The following EML1 variants were observed in gnomAD, a reference collection of about 807,000 sequenced individuals.
EML1 encodes the protein echinoderm microtubule-associated protein-like 1.
A neutral mutation model predicts 110.4 loss-of-function variants in EML1; 27 were observed. The observed-to-expected ratio is 0.24, with a 90% CI of 0.18 to 0.34. The LOEUF is 0.34. EML1 is among the 10% of genes least tolerant of loss of function. The pLI is 1.00. For synonymous variants in EML1, 344 were observed against 385.8 expected (o/e 0.89, Z 1.27); for missense variants, 741 against 1,030.9 (o/e 0.72, Z 3.85).
intron 1 of EML1, among the ~76,000 whole-genome samples, chr14:99,800,646 C>A (rs536259361): frequency 6.6e-6 from 1 of 152,122 alleles, no homozygotes; most frequent in East Asian, 1.9e-4. Flanking sequence ...AGCATGAGCC[C>A]CTGCACCCAG....
At chr14:99,738,311 C>T (rs921611584) in intron 1 of EML1, among the ~76,000 whole-genome samples, 11 of 152,356 alleles carry the variant, frequency 7.2e-5, no homozygotes, top group African/African-American at 2.4e-4. Flanking sequence ...GTCCCTGGTC[C>T]GGCAGCACCA....
At chr14:99,908,666 G>GGTGC (rs1336626546) in intron 10 of EML1, among the ~76,000 whole-genome samples, 1 of 152,180 alleles carries the variant, frequency 6.6e-6, no homozygotes, top group Non-Finnish European at 1.5e-5. Context: ...AGTAGGCCAG[G>GGTGC]GTGCGGGTCT....
At chr14:99,873,613 C>T (rs1020804632) in intron 3 of EML1, among the ~76,000 whole-genome samples, 4 of 152,150 alleles carry the variant, frequency 2.6e-5, no homozygotes, top group African/African-American at 9.7e-5. Flanking sequence ...TGATATGGTT[C>T]TCCCCACTAG....
intron 1 of EML1, among the ~76,000 whole-genome samples, chr14:99,744,758 G>A (rs1039839164): frequency 2.0e-5 from 3 of 152,122 alleles, no homozygotes; most frequent in East Asian, 1.9e-4. Flanking sequence ...TGAATGATTC[G>A]GTCATCACCT....
Position 99,900,181 on chromosome 14 carries a change from C to CT in EML1, c.898-724dup, listed in dbSNP as rs3071437. Among the ~76,000 whole-genome samples the CT allele has an allele frequency of 6.2e-3, 659 of 106,556 alleles. 3 individuals carry two copies. The highest frequency in any genetic ancestry group is 6.7e-3 in the Non-Finnish European group (358 of 53,094). The allele number at this position is 106,556 out of a possible 152,430, so 69.9% of individuals were successfully genotyped here. On this transcript the variant is annotated intron_variant, in intron 8 of 21. Coordinates refer to ENST00000262233, the MANE Select transcript of EML1 (RefSeq NM_004434.3). ...CTGTTTTGCCCAAGAATATTAAGCT[C>CT]TTTTTTTTTTTTTTTTTTTTTTTTG...
At chr14:99,865,238 A>G (rs1356454833) in intron 2 of EML1, among the ~76,000 whole-genome samples, 1 of 152,176 alleles carries the variant, frequency 6.6e-6, no homozygotes, top group Non-Finnish European at 1.5e-5. Flanking sequence ...AGATTCTCAT[A>G]AGGAATGCTC....
At chr14:99,801,238 G>A (rs1186969038) in intron 1 of EML1, among the ~76,000 whole-genome samples, 6 of 152,180 alleles carry the variant, frequency 3.9e-5, no homozygotes, top group Non-Finnish European at 5.9e-5. Flanking sequence ...TTGGCAAATC[G>A]GGCTGATTTC....
At chr14:99,930,219 G>A (rs1173846083) in intron 17 of EML1, among the ~76,000 whole-genome samples, 3 of 152,232 alleles carry the variant, frequency 2.0e-5, no homozygotes, top group Non-Finnish European at 2.9e-5. Context: ...CTGGACAGTC[G>A]AAACTTTAGC....
At chr14:99,832,229 C>T (rs554583747) in intron 1 of EML1, among the ~76,000 whole-genome samples, 7 of 152,232 alleles carry the variant, frequency 4.6e-5, no homozygotes, top group South Asian at 2.1e-4. Context: ...TATCGCTGGG[C>T]GCCATTGTAT....
At chr14:99,885,793 C>T in intron 4 of EML1, 2 of 424,790 alleles carry the variant, frequency 4.7e-6, no homozygotes, top group South Asian at 3.4e-5. Flanking sequence ...TAATTAATAA[C>T]ATGTTGGACG....
rs561617589 is a variant in EML1 at position 99,889,059 on chromosome 14, A to G, written c.519-2140A>G. Among the ~76,000 whole-genome samples, 4 of 152,202 alleles carry G rather than the reference A, an allele frequency of 2.6e-5. No individual in the cohort carries two copies. In the South Asian group the frequency reaches 8.3e-4, roughly 31 times the overall value. The stretch of plus-strand genomic sequence containing the variant: ...CAGAGGCATGCCAGGAGGAAAGCCG[A>G]GAGACGTTCTCCACGCTCAGGGCCT... On this transcript the variant is annotated intron_variant, in intron 4 of 21. Transcript: ENST00000262233.
At chr14:99,868,634 G>A (rs576531255) in intron 3 of EML1, among the ~76,000 whole-genome samples, 10 of 151,786 alleles carry the variant, frequency 6.6e-5, no homozygotes, top group Admixed American at 2.6e-4. Flanking sequence ...AGTCCTTCTC[G>A]TTTTTGTTAT....
intron 4 of EML1, among the ~76,000 whole-genome samples, chr14:99,886,308 C>A (rs975128723): frequency 6.6e-6 from 1 of 152,150 alleles, no homozygotes; most frequent in Admixed American, 6.6e-5. Context: ...ATGGCGGAAC[C>A]CTGTCTCTAC....
chr14:99,793,828 G>C (rs558099114), intron 1 of EML1, among the ~76,000 whole-genome samples: 17 of 148,968 alleles, frequency 1.1e-4, no homozygotes, highest in Admixed American at 1.0e-3. Flanking sequence ...GAGCGCGCCC[G>C]GGCGGAGGCG....
chr14:99,939,451 C>T lies in EML1; in HGVS notation c.2322+124C>T. 1 of 1,470,334 alleles carries T rather than the reference C, an allele frequency of 6.8e-7. No homozygotes were observed. The highest frequency in any genetic ancestry group is 9.2e-7 in the Non-Finnish European group (1 of 1,090,422). The allele number at this position is 1,470,334 out of a possible 1,614,324, so 91.1% of individuals were successfully genotyped here. On this transcript the variant is annotated intron_variant, in intron 21 of 21. Transcript: ENST00000262233. The surrounding 1 kb of genome is among the most constrained non-coding windows in gnomAD (Gnocchi z 4.2). ...CTGCCAGCCACAAAGGCAGATGTGA[C>T]TCTGTTCTTTGCGCCCTGAGCACTT...
chr14:99,752,940 A>G (rs772307559), intron 1 of EML1, among the ~76,000 whole-genome samples: 2 of 152,178 alleles, frequency 1.3e-5, no homozygotes, highest in Non-Finnish European at 2.9e-5. Flanking sequence ...GGAAGCTGGA[A>G]GGCAGGGCGT....
intron 1 of EML1, among the ~76,000 whole-genome samples, chr14:99,804,925 CT>C (rs1202385090): frequency 6.6e-6 from 1 of 152,206 alleles, no homozygotes; most frequent in Non-Finnish European, 1.5e-5. Context: ...TGACCCTTTC[CT>C]CCCAGGGCCC....
chr14:99,875,040 C>T, intron 3 of EML1: 1 of 1,573,394 alleles, frequency 6.4e-7, no homozygotes, highest in Non-Finnish European at 8.7e-7. Context: ...TCCATTGTTT[C>T]CATCTCTGTT....
At chr14:99,833,333 GTTTC>G (rs1248208770) in intron 1 of EML1, among the ~76,000 whole-genome samples, 2 of 152,160 alleles carry the variant, frequency 1.3e-5, no homozygotes, top group Admixed American at 6.5e-5. Context: ...GTATCGGTCT[GTTTC>G]TTAACTCTCT....
Sources: gnomAD v4.1 joint callset for allele counts (sites outside exome capture counted in the v4.1 genomes callset) on GRCh38, gnomAD v4.1.1 for gene constraint, Gnocchi (gnomAD v3.1) non-coding constraint, MANE v1.5 for transcripts, NCBI Gene and HGNC (gene_info 2026-07-23, HGNC 2026-07-21) for gene names.